The following TANGO6 variants were observed in gnomAD, a reference collection of about 807,000 sequenced individuals.
TANGO6 encodes the protein transport and golgi organization 6 homolog.
TANGO6 carries 90 observed loss-of-function variants against 114.2 expected under a neutral mutation model. The ratio of observed to expected loss-of-function variants is 0.79; its 90% CI spans 0.66 to 0.94. TANGO6 has a LOEUF of 0.94. Ranked by LOEUF, TANGO6 falls within the 40% of genes least tolerant of loss-of-function variation. The pLI is 0.00. For synonymous variants in TANGO6, 477 were observed against 509.8 expected, an observed-to-expected ratio of 0.94 and a Z score of 0.87; for missense variants, 1,274 against 1,315.3, an observed-to-expected ratio of 0.97 and a Z score of 0.49.
At chr16:68,888,197 G>A (rs930824964) in intron 7 of TANGO6, among the ~76,000 whole-genome samples, 2 of 152,072 alleles carry the variant, frequency 1.3e-5, no homozygotes, top group South Asian at 2.1e-4. Flanking sequence ...GGGGATACAC[G>A]GCTCAAAACA....
intron 17 of TANGO6, among the ~76,000 whole-genome samples, chr16:69,056,444 T>C (rs1960033652): frequency 6.6e-6 from 1 of 152,170 alleles, no homozygotes; most frequent in Non-Finnish European, 1.5e-5. Flanking sequence ...GCACACTAAC[T>C]TCATGAGCTG....
chr16:68,976,892 G>T (rs1477659910), intron 15 of TANGO6, among the ~76,000 whole-genome samples: 2 of 152,196 alleles, frequency 1.3e-5, no homozygotes, highest in African/African-American at 4.8e-5. Context: ...CTTAGGTACT[G>T]CTGTATTTGT....
chr16:68,882,783 C>G (rs535789270), intron 7 of TANGO6, among the ~76,000 whole-genome samples: 1 of 152,092 alleles, frequency 6.6e-6, no homozygotes, highest in South Asian at 2.1e-4. Context: ...CTTTGGGAGG[C>G]CAAGGCGGGC....
chr16:68,919,419 A>G (rs1330169802), intron 12 of TANGO6, among the ~76,000 whole-genome samples, 200 bp downstream of exon 12: 2 of 152,242 alleles, frequency 1.3e-5, no homozygotes, highest in African/African-American at 4.8e-5. Flanking sequence ...TGTCACCTGC[A>G]TAGACTTCAC....
intron 11 of TANGO6, among the ~76,000 whole-genome samples, chr16:68,914,798 A>G (rs1168661751): frequency 6.6e-6 from 1 of 151,872 alleles, no homozygotes; most frequent in African/African-American, 2.4e-5. Context: ...TGGGGTTAAC[A>G]CAAAGAATGT....
At position 68,921,047 on chromosome 16, in the gene TANGO6, G is replaced by A. The variant is rs1241035117; in HGVS notation, c.2127+1828G>A. Among the ~76,000 whole-genome samples the A allele has an allele frequency of 2.0e-5, 3 of 149,694 alleles. No homozygotes were observed. The East Asian group carries it at 6.0e-4, about 30-fold the overall frequency. On this transcript the variant is annotated intron_variant, in intron 12 of 17. Transcript: ENST00000261778. ...GAACCTGGGAGGCGGAGGTTGCAGTGGGCGGAGGTTGCAGTGAGCCGAGAT... is the reference window on the plus strand; with the variant it reads ...GAACCTGGGAGGCGGAGGTTGCAGTAGGCGGAGGTTGCAGTGAGCCGAGAT...
chr16:68,981,129 G>C (rs956362895), intron 15 of TANGO6, among the ~76,000 whole-genome samples: 2 of 149,354 alleles, frequency 1.3e-5, no homozygotes, highest in African/African-American at 5.0e-5. Flanking sequence ...TTTTCCATCT[G>C]TTTCCTCTTA....
chr16:68,961,994 T>C (rs1205028952), intron 14 of TANGO6, among the ~76,000 whole-genome samples: 1 of 152,228 alleles, frequency 6.6e-6, no homozygotes, highest in Non-Finnish European at 1.5e-5. Flanking sequence ...CATTCACTCA[T>C]CCTGAATCTT....
intron 7 of TANGO6, 39 bp from the exon 8 acceptor site, chr16:68,900,395 C>T (rs201178723): frequency 6.4e-6 from 10 of 1,559,736 alleles, no homozygotes; most frequent in Admixed American, 3.4e-5. Context: ...TCTGGCCAGG[C>T]AGTCATGGGA....
At chr16:68,964,394 TAATC>T (rs1963623892) in intron 14 of TANGO6, among the ~76,000 whole-genome samples, 1 of 152,000 alleles carries the variant, frequency 6.6e-6, no homozygotes, top group Admixed American at 6.6e-5. Flanking sequence ...TCCCCAGAAA[TAATC>T]AATATTATTA....
In TANGO6 at chr16:68,861,106, A is replaced by G. The variant is rs542309364; in HGVS notation, c.735+582A>G. On this transcript the variant is annotated intron_variant, in intron 2 of 17. Transcript: ENST00000261778. Reference sequence around the variant, plus strand: ...CTACAGAAGTTGCTGTGGAGATCATAGACACATAAGACATGGTCCTTTTCT... The same window carrying G: ...CTACAGAAGTTGCTGTGGAGATCATGGACACATAAGACATGGTCCTTTTCT... Among the ~76,000 whole-genome samples, 15 of 152,328 alleles carry G rather than the reference A, an allele frequency of 9.8e-5. No homozygotes were observed. The South Asian group carries it at 3.1e-3, about 32-fold the overall frequency.
Position 68,880,543 on chromosome 16 carries a change from T to C in TANGO6, c.1295-5T>C. On this transcript the variant is annotated splice_region_variant and splice_polypyrimidine_tract_variant and intron_variant, in intron 6 of 17. Coordinates refer to ENST00000261778, the MANE Select transcript of TANGO6 (RefSeq NM_024562.2). Reference sequence around the variant, plus strand: ...TATGGGTAATTTTGTGTGTTTATTTTCTAGAGCTTTCAGAGAGTGACATGG... The same window carrying C: ...TATGGGTAATTTTGTGTGTTTATTTCCTAGAGCTTTCAGAGAGTGACATGG... The C allele has an allele frequency of 6.2e-7, 1 of 1,609,252 alleles. No individual in the cohort carries two copies. Among genetic ancestry groups the C allele is most frequent in the Non-Finnish European group, 8.5e-7 (1 of 1,177,984 alleles).
At chr16:68,889,219 A>AT (rs1335947350) in intron 7 of TANGO6, among the ~76,000 whole-genome samples, 1 of 152,226 alleles carries the variant, frequency 6.6e-6, no homozygotes, top group East Asian at 1.9e-4. Flanking sequence ...ACAGCCTGGT[A>AT]TATTTGTTAC....
chr16:68,993,039 G>C (rs983008532), intron 15 of TANGO6, among the ~76,000 whole-genome samples: 3 of 151,798 alleles, frequency 2.0e-5, no homozygotes, highest in African/African-American at 7.3e-5. Context: ...TTGCACTCCA[G>C]CCCGGGTGAC....
At chr16:69,081,081 T>G (rs1002823217) in intron 17 of TANGO6, among the ~76,000 whole-genome samples, 19 of 152,100 alleles carry the variant, frequency 1.2e-4, no homozygotes, top group African/African-American at 4.1e-4. Flanking sequence ...GAGCTTGCAG[T>G]GAGCCAAGAG....
At chr16:68,882,522 A>G (rs1387684688) in intron 7 of TANGO6, among the ~76,000 whole-genome samples, 1 of 151,948 alleles carries the variant, frequency 6.6e-6, no homozygotes, top group Non-Finnish European at 1.5e-5. Flanking sequence ...AAACGTGTTC[A>G]TAGAAAAACC....
At chr16:68,976,450 C>T (rs1451207625) in intron 15 of TANGO6, among the ~76,000 whole-genome samples, 1 of 151,974 alleles carries the variant, frequency 6.6e-6, no homozygotes, top group African/African-American at 2.4e-5. Flanking sequence ...GAGGTGGGAC[C>T]CTAGGGAACA....
intron 15 of TANGO6, among the ~76,000 whole-genome samples, chr16:68,994,854 G>A (rs1963977499): frequency 6.6e-6 from 1 of 151,878 alleles, no homozygotes; most frequent in Non-Finnish European, 1.5e-5. Context: ...CAAAATGTTG[G>A]GATTACAGGA....
intron 17 of TANGO6, among the ~76,000 whole-genome samples, chr16:69,067,280 G>A (rs1240324290): frequency 5.9e-5 from 9 of 152,046 alleles, no homozygotes; most frequent in African/African-American, 1.7e-4. Flanking sequence ...AGGCCAAGAC[G>A]GGTGGATCAC....
Sources: allele counts gnomAD v4.1 joint callset (sites outside exome capture counted in the v4.1 genomes callset), GRCh38; gene constraint gnomAD v4.1.1; transcripts MANE v1.5; gene names NCBI Gene and HGNC (gene_info 2026-07-23, HGNC 2026-07-21).